KCNMA1: variants seen among roughly 807,000 people sequenced by gnomAD.
KCNMA1 encodes Calcium-activated potassium channel subunit alpha-1.
Under a neutral mutation model 140.0 loss-of-function variants are expected in KCNMA1, and 29 were observed. That is an observed-to-expected ratio of 0.21 (90% CI 0.15 to 0.28). The LOEUF is 0.28. Among genes scored for constraint, KCNMA1 ranks in the 10% least tolerant of loss-of-function variants. The pLI is 1.00. For missense variants in KCNMA1, 880 were observed against 1,602.2 expected (o/e 0.55, Z 7.70); for synonymous variants, 612 against 611.9 (o/e 1.00, Z 0.00).
At chr10:77,127,865 T>A (rs2097775538) in intron 5 of KCNMA1, among the ~76,000 whole-genome samples, 1 of 152,070 alleles carries the variant, frequency 6.6e-6, no homozygotes, top group Non-Finnish European at 1.5e-5. Flanking sequence ...TCCCAGCTAC[T>A]TGGGAGGCTG....
chr10:77,297,318 G>A (rs1601663659), intron 2 of KCNMA1, among the ~76,000 whole-genome samples: 1 of 152,132 alleles, frequency 6.6e-6, no homozygotes, highest in South Asian at 2.1e-4. Context: ...TCATCTACAG[G>A]ACATTGTTGC....
intron 1 of KCNMA1, among the ~76,000 whole-genome samples, chr10:77,430,015 T>A (rs1403765701): frequency 2.0e-5 from 3 of 152,100 alleles, no homozygotes; most frequent in Non-Finnish European, 2.9e-5. Flanking sequence ...CAAGAAACCA[T>A]CCTCTCACAG....
intron 16 of KCNMA1, 28 bp downstream of exon 16, chr10:77,027,795 G>T: frequency 6.3e-7 from 1 of 1,599,496 alleles, no homozygotes; most frequent in Non-Finnish European, 8.6e-7. Flanking sequence ...AAAAGTGTCA[G>T]CTGGCTGCTG....
intron 2 of KCNMA1, among the ~76,000 whole-genome samples, chr10:77,292,250 C>A (rs2073521978): frequency 6.6e-6 from 1 of 152,206 alleles, no homozygotes; most frequent in Non-Finnish European, 1.5e-5. Flanking sequence ...AAGCCCTTCC[C>A]TCTTAGGGAT....
chr10:77,555,228 C>T (rs1270026877), intron 1 of KCNMA1, among the ~76,000 whole-genome samples: 2 of 152,154 alleles, frequency 1.3e-5, no homozygotes, highest in African/African-American at 4.8e-5. Context: ...GTCAGACGGC[C>T]CCCTCACAGG....
At chr10:77,502,837 C>A (rs1330273140) in intron 1 of KCNMA1, among the ~76,000 whole-genome samples, 1 of 152,178 alleles carries the variant, frequency 6.6e-6, no homozygotes, top group Non-Finnish European at 1.5e-5. Flanking sequence ...GCTCCAAGCA[C>A]CCACAATAGA....
intron 2 of KCNMA1, among the ~76,000 whole-genome samples, chr10:77,330,782 G>C (rs1012513782): frequency 2.0e-5 from 3 of 152,144 alleles, no homozygotes; most frequent in African/African-American, 7.2e-5. Flanking sequence ...TCAAGTTCAA[G>C]GGAGAACTTG....
intron 2 of KCNMA1, among the ~76,000 whole-genome samples, chr10:77,261,391 A>T (rs1483375440): frequency 6.6e-6 from 1 of 152,078 alleles, no homozygotes; most frequent in South Asian, 2.1e-4. Flanking sequence ...CAATTGCCCA[A>T]TCTCTTCCCT....
intron 14 of KCNMA1, chr10:77,063,950 C>T: frequency 1.0e-6 from 1 of 985,400 alleles, no homozygotes; most frequent in African/African-American, 1.7e-5. Context: ...TATATCCTGC[C>T]AGCCGAGAAG....
intron 3 of KCNMA1, chr10:77,250,702 CAG>C (rs1236917016): frequency 3.8e-5 from 7 of 185,390 alleles, no homozygotes; most frequent in Non-Finnish European, 6.9e-5. Context: ...TGCAATGCTT[CAG>C]CTGAATACCC....
At chr10:77,272,635 A>AAC (rs1555116805) in intron 2 of KCNMA1, among the ~76,000 whole-genome samples, 1 of 150,572 alleles carries the variant, frequency 6.6e-6, no homozygotes, top group African/African-American at 2.4e-5. Context: ...AAATGAAGTA[A>AAC]ATATATATAT....
chr10:77,216,201 T>A (rs2047731529), intron 3 of KCNMA1, among the ~76,000 whole-genome samples: 1 of 152,164 alleles, frequency 6.6e-6, no homozygotes, highest in South Asian at 2.1e-4. Context: ...TGGGAGAATG[T>A]GGAATGATTG....
chr10:77,430,829 A>G (rs184210589), intron 1 of KCNMA1, among the ~76,000 whole-genome samples: 1 of 152,352 alleles, frequency 6.6e-6, no homozygotes, highest in East Asian at 1.9e-4. Flanking sequence ...TGGCGAGCAC[A>G]GAGTGGGCCT....
At chr10:76,917,685 T>A (rs1305440762) in intron 23 of KCNMA1, among the ~76,000 whole-genome samples, 1 of 152,218 alleles carries the variant, frequency 6.6e-6, no homozygotes, top group Non-Finnish European at 1.5e-5. Context: ...AGTGTGCTTT[T>A]ATTGCTAAGA....
At chr10:77,029,285 T>C (rs916094695) in intron 15 of KCNMA1, among the ~76,000 whole-genome samples, 2 of 152,232 alleles carry the variant, frequency 1.3e-5, no homozygotes, top group Admixed American at 6.5e-5. Context: ...TGATGCTTAT[T>C]TATTTAGCTC....
At chr10:77,163,901 C>T (rs1331604466) in intron 5 of KCNMA1, among the ~76,000 whole-genome samples, 1 of 152,146 alleles carries the variant, frequency 6.6e-6, no homozygotes, top group East Asian at 1.9e-4. Flanking sequence ...AACCCCAGCA[C>T]CTAGAACAAA....
At chr10:77,546,623 C>T (rs1381800693) in intron 1 of KCNMA1, among the ~76,000 whole-genome samples, 1 of 152,226 alleles carries the variant, frequency 6.6e-6, no homozygotes, top group Non-Finnish European at 1.5e-5. Context: ...GCTGCATGGC[C>T]CCCACACTGG....
At chr10:77,384,207 G>A (rs1273703066) in intron 2 of KCNMA1, among the ~76,000 whole-genome samples, 2 of 152,224 alleles carry the variant, frequency 1.3e-5, no homozygotes, top group East Asian at 3.8e-4. Flanking sequence ...ACCCAGCTGT[G>A]ATTTCATCTC....
At chr10:77,468,074 C>A (rs542722279) in intron 1 of KCNMA1, among the ~76,000 whole-genome samples, 1 of 152,242 alleles carries the variant, frequency 6.6e-6, no homozygotes, top group African/African-American at 2.4e-5. Context: ...GTGGTGCGAT[C>A]TTGGCTTATT....
Sources: gnomAD v4.1 joint callset for allele counts (sites outside exome capture counted in the v4.1 genomes callset) on GRCh38, gnomAD v4.1.1 for gene constraint, MANE v1.5 for transcripts, NCBI Gene and HGNC (gene_info 2026-07-23, HGNC 2026-07-21) for gene names.